The following ADAMTSL1 variants were observed in gnomAD, a reference collection of about 807,000 sequenced individuals.
The protein encoded by ADAMTSL1 is ADAMTS-like protein 1.
Under a neutral mutation model 201.8 loss-of-function variants are expected in ADAMTSL1, and 126 were observed. The observed-to-expected ratio is 0.62, with a 90% CI of 0.54 to 0.72. The LOEUF (loss-of-function observed/expected upper bound fraction) is 0.72, where lower values mean the gene tolerates loss of function less well. Ranked by LOEUF, ADAMTSL1 falls within the 30% of genes least tolerant of loss-of-function variation. ADAMTSL1 has a pLI of 0.00. For synonymous variants in ADAMTSL1, 1,121 were observed against 903.4 expected, an observed-to-expected ratio of 1.24 and a Z score of -4.32; for missense variants, 2,679 against 2,277.8, an observed-to-expected ratio of 1.18 and a Z score of -3.59.
chr9:18,890,885 C>CTTTT lies in ADAMTSL1; in HGVS notation c.4643+1138_4643+1139insTTTT, dbSNP rs1563893305. ...AGATCTTTGATGTGCCAGGAACTTTCTGACTTGATTTGGTGATGGTCAGAG... is the reference window on the plus strand; with the variant it reads ...AGATCTTTGATGTGCCAGGAACTTTCTTTTTGACTTGATTTGGTGATGGTCAGAG... On this transcript the variant is annotated intron_variant, in intron 25 of 28. Coordinates refer to ENST00000380548, the MANE Select transcript of ADAMTSL1 (RefSeq NM_001040272.6). 1.3e-4 allele frequency: 35 copies of CTTTT among 268,284 alleles called. No homozygotes were observed. The East Asian group carries it at 3.2e-3, about 25-fold the overall frequency. The allele number at this position is 268,284 out of a possible 1,614,324, so 16.6% of individuals were successfully genotyped here. A position where few individuals can be genotyped will look rare whatever the true frequency, so the allele number is the denominator to read the frequency against.
intron 5 of ADAMTSL1, among the ~76,000 whole-genome samples, chr9:18,634,946 A>G (rs1048091455): frequency 9.6e-5 from 11 of 114,956 alleles, no homozygotes; most frequent in African/African-American, 3.0e-4. Flanking sequence ...AAGTATGAAC[A>G]AAGAATCACA....
At chr9:18,521,424 T>C (rs547545580) in intron 2 of ADAMTSL1, among the ~76,000 whole-genome samples, 5 of 151,798 alleles carry the variant, frequency 3.3e-5, no homozygotes, top group African/African-American at 9.7e-5. Context: ...ACCCCATAAA[T>C]ACATACACCT....
chr9:18,003,699 A>T (rs576837010), intron 1 of ADAMTSL1, among the ~76,000 whole-genome samples: 1 of 152,202 alleles, frequency 6.6e-6, no homozygotes, highest in Admixed American at 6.6e-5. Flanking sequence ...ATTGTGCTGT[A>T]GCAGACAAAG....
chr9:18,009,138 C>T (rs528032970), intron 1 of ADAMTSL1, among the ~76,000 whole-genome samples: 1 of 152,142 alleles, frequency 6.6e-6, no homozygotes, highest in South Asian at 2.1e-4. Context: ...CCAGTTCTTG[C>T]ATGCAGTTCA....
chr9:18,884,328 G>T (rs543579010), intron 23 of ADAMTSL1, among the ~76,000 whole-genome samples: 1 of 152,222 alleles, frequency 6.6e-6, no homozygotes, highest in South Asian at 2.1e-4. Flanking sequence ...AATCTCATCA[G>T]ATCTATGATT....
chr9:18,740,780 A>G (rs780839758), intron 15 of ADAMTSL1, among the ~76,000 whole-genome samples: 9 of 152,076 alleles, frequency 5.9e-5, no homozygotes, highest in South Asian at 2.1e-4. Context: ...CTCGGCCTCA[A>G]TGTTCTTTCT....
intron 4 of ADAMTSL1, among the ~76,000 whole-genome samples, chr9:18,621,556 C>CCACACACA (rs57351480): frequency 0.013 from 1,916 of 143,672 alleles, 28 homozygotes; most frequent in East Asian, 0.065. Flanking sequence ...CCGTCCTCTT[C>CCACACACA]CACACACACA....
intron 2 of ADAMTSL1, among the ~76,000 whole-genome samples, chr9:18,348,967 A>G (rs1352440402): frequency 6.6e-6 from 1 of 152,186 alleles, no homozygotes; most frequent in Non-Finnish European, 1.5e-5. Context: ...TTTAATCCTC[A>G]TGTTGACCAT....
At chr9:18,056,703 G>T (rs938230771) in intron 1 of ADAMTSL1, among the ~76,000 whole-genome samples, 2 of 152,128 alleles carry the variant, frequency 1.3e-5, no homozygotes, top group African/African-American at 2.4e-5. Context: ...GTGCACAAAA[G>T]TGCCTGATCT....
chr9:18,889,690 G>A lies in ADAMTSL1; in HGVS notation c.4585G>A (p.Gly1529Arg), dbSNP rs1295743869. The A allele has an allele frequency of 2.5e-6, 4 of 1,593,196 alleles. No homozygotes were observed. The highest frequency in any genetic ancestry group is 1.1e-5 in the South Asian group (1 of 89,088). ...STEVNPAHCAGKVRPAVQPIA... is the reference protein window; with the variant it reads ...STEVNPAHCARKVRPAVQPIA... ...GGAGGTCAACCCTGCCCACTGCGCA[G>A]GGAAGGTTCGCCCTGCGGTGCAGCC... Residue 1529 changes from glycine to arginine, a missense_variant, in exon 25 of 29, where the codon GGG becomes AGG. Coordinates refer to ENST00000380548, the MANE Select transcript of ADAMTSL1 (RefSeq NM_001040272.6).
intron 4 of ADAMTSL1, among the ~76,000 whole-genome samples, chr9:18,614,612 A>G (rs1213411522): frequency 6.6e-6 from 1 of 151,884 alleles, no homozygotes; most frequent in Non-Finnish European, 1.5e-5. Flanking sequence ...TGCCCCTTTG[A>G]CCTTTAGTTA....
chr9:18,143,568 C>T (rs1341374198), intron 1 of ADAMTSL1, among the ~76,000 whole-genome samples: 1 of 152,022 alleles, frequency 6.6e-6, no homozygotes, highest in Admixed American at 6.6e-5. Context: ...CCTCCCTTGT[C>T]AGAACCCCAT....
At chr9:18,052,515 T>A (rs1821984039) in intron 1 of ADAMTSL1, among the ~76,000 whole-genome samples, 2 of 152,046 alleles carry the variant, frequency 1.3e-5, no homozygotes, top group African/African-American at 4.8e-5. Flanking sequence ...ATTAAGAGAT[T>A]TGGGGCCAGA....
intron 20 of ADAMTSL1, among the ~76,000 whole-genome samples, chr9:18,805,612 G>C (rs1000733092): frequency 6.6e-6 from 1 of 152,076 alleles, no homozygotes; most frequent in Non-Finnish European, 1.5e-5. Context: ...CTTGCCTAAG[G>C]GTACTTAGCT....
intron 2 of ADAMTSL1, among the ~76,000 whole-genome samples, chr9:18,359,009 C>A (rs1416874652): frequency 6.6e-6 from 1 of 152,130 alleles, no homozygotes; most frequent in Non-Finnish European, 1.5e-5. Context: ...TGACTTCAAA[C>A]AGTTTGAACA....
chr9:18,798,744 A>C (rs982474872), intron 20 of ADAMTSL1, among the ~76,000 whole-genome samples: 2 of 152,192 alleles, frequency 1.3e-5, no homozygotes, highest in African/African-American at 4.8e-5. Context: ...GGCCCACAGC[A>C]AGATGCCTGC....
chr9:18,481,121 G>A (rs1205138976), intron 1 of ADAMTSL1, among the ~76,000 whole-genome samples: 1 of 152,234 alleles, frequency 6.6e-6, no homozygotes, highest in African/African-American at 2.4e-5. Flanking sequence ...AGAGGGAACA[G>A]ACTCACAAAG....
chr9:18,624,206 T>C (rs1490449970), intron 5 of ADAMTSL1, among the ~76,000 whole-genome samples: 1 of 152,194 alleles, frequency 6.6e-6, no homozygotes, highest in Non-Finnish European at 1.5e-5. Context: ...ATTTAAAAGA[T>C]TCTGGCATAT....
intron 7 of ADAMTSL1, among the ~76,000 whole-genome samples, chr9:18,654,126 G>T (rs1417780863): frequency 6.6e-6 from 1 of 152,236 alleles, no homozygotes; most frequent in Non-Finnish European, 1.5e-5. Flanking sequence ...CTACTCAGGA[G>T]GTTGAGGCAG....
Sources: gnomAD v4.1 joint callset for allele counts (sites outside exome capture counted in the v4.1 genomes callset) on GRCh38, gnomAD v4.1.1 for gene constraint, MANE v1.5 for transcripts, NCBI Gene and HGNC (gene_info 2026-07-23, HGNC 2026-07-21) for gene names.